The following AFF3 variants were observed in gnomAD, a reference collection of about 807,000 sequenced individuals.
The protein encoded by AFF3 is ALF transcription elongation factor 3.
AFF3 carries 32 observed loss-of-function variants against 129.7 expected under a neutral mutation model. The ratio of observed to expected loss-of-function variants is 0.25; its 90% confidence interval spans 0.19 to 0.33. The LOEUF is 0.33. Among genes scored for constraint, AFF3 ranks in the 10% least tolerant of loss-of-function variants. The probability of loss-of-function intolerance (pLI) is 1.00; values close to 1 mark genes in which losing one functional copy is unlikely to be tolerated. For missense variants in AFF3, 1,373 were observed against 1,592.0 expected, an observed-to-expected ratio of 0.86 and a Z score of 2.34; for synonymous variants, 644 against 635.4, an observed-to-expected ratio of 1.01 and a Z score of -0.20.
In AFF3 at chr2:99,815,830, C is replaced by G. The variant is rs545793201; in HGVS notation, c.921+21647G>C. Among the ~76,000 whole-genome samples the G allele has an allele frequency of 4.6e-3, 693 of 149,682 alleles. 9 individuals are homozygous for G. The highest frequency in any genetic ancestry group is 0.014 in the African/African-American group (578 of 40,874). On this transcript the variant is annotated intron_variant, in intron 8 of 24. Coordinates refer to ENST00000672756, the MANE Select transcript of AFF3 (RefSeq NM_001386135.1). ...GTTCCTTCTCTCTCTCTCTCTCTCT[C>G]TGTGTGTGTGTGTGTACATGGATAT...
chr2:99,940,758 T>A (rs1410667985), intron 7 of AFF3, among the ~76,000 whole-genome samples: 1 of 152,164 alleles, frequency 6.6e-6, no homozygotes, highest in Non-Finnish European at 1.5e-5. Flanking sequence ...TAAACTTGCT[T>A]TAGCCTTGCA....
rs1036133464 is a variant in AFF3 at position 99,558,914 on chromosome 2, G to T, written c.3246C>A (p.His1082Gln). Residue 1082 changes from histidine to glutamine, a missense_variant, in exon 22 of 25, where the codon CAC (histidine) becomes CAA (glutamine). Coordinates refer to ENST00000672756, the MANE Select transcript of AFF3 (RefSeq NM_001386135.1). The part of the protein sequence containing the change: ...YWRMFRLKRD[H>Q]AVKYSKALID... ...TTAGTGCTTTTGAATACTTTACAGCGTGGTCCCTTTTGAGTCGAAACATCC... is the reference window on the plus strand; with the variant it reads ...TTAGTGCTTTTGAATACTTTACAGCTTGGTCCCTTTTGAGTCGAAACATCC... 6.2e-6 allele frequency: 10 copies of T among 1,614,136 alleles called. No individual in the cohort carries two copies. Among genetic ancestry groups the T allele is most frequent in the Non-Finnish European group, 5.9e-6 (7 of 1,179,996 alleles).
intron 18 of AFF3, among the ~76,000 whole-genome samples, chr2:99,573,705 C>T (rs1321631532): frequency 6.6e-6 from 1 of 152,216 alleles, no homozygotes; most frequent in Non-Finnish European, 1.5e-5. Flanking sequence ...TGGCCTTCAG[C>T]GCCTGGCGTC....
chr2:99,813,660 G>A (rs1686972370), intron 8 of AFF3, among the ~76,000 whole-genome samples: 1 of 152,182 alleles, frequency 6.6e-6, no homozygotes, highest in African/African-American at 2.4e-5. Context: ...GGAGATTAAA[G>A]GAGAACAAAC....
intron 13 of AFF3, among the ~76,000 whole-genome samples, chr2:99,639,797 C>T (rs765478885): frequency 6.6e-5 from 10 of 151,546 alleles, no homozygotes; most frequent in Non-Finnish European, 1.0e-4. Context: ...AAGTGATTCT[C>T]CTGCCTCAGC....
intron 4 of AFF3, among the ~76,000 whole-genome samples, chr2:100,092,609 C>T (rs1284128330): frequency 2.6e-5 from 4 of 152,248 alleles, no homozygotes; most frequent in Non-Finnish European, 5.9e-5. Context: ...ACCTCCCATC[C>T]TGCCATTCCC....
At chr2:99,977,547 T>C (rs1423614975) in intron 7 of AFF3, among the ~76,000 whole-genome samples, 1 of 152,262 alleles carries the variant, frequency 6.6e-6, no homozygotes, top group African/African-American at 2.4e-5. Flanking sequence ...CACTCCTTTT[T>C]CCTTCTTGAG....
intron 4 of AFF3, among the ~76,000 whole-genome samples, chr2:100,087,351 C>T (rs1309460494): frequency 6.6e-6 from 1 of 152,006 alleles, no homozygotes; most frequent in African/African-American, 2.4e-5. Context: ...TTATTTCTTC[C>T]TTATAATCCT....
intron 5 of AFF3, 141 bp from the exon 6 acceptor site, chr2:100,007,601 C>A (rs753885891): frequency 3.4e-5 from 26 of 775,436 alleles, no homozygotes; most frequent in Non-Finnish European, 4.8e-5. Context: ...AAATCCTTAT[C>A]GTCTCTGAAG....
intron 8 of AFF3, among the ~76,000 whole-genome samples, chr2:99,794,084 T>C (rs1180249195): frequency 6.6e-6 from 1 of 152,240 alleles, no homozygotes; most frequent in African/African-American, 2.4e-5. Flanking sequence ...CTCTTTTATT[T>C]CTAAATTAAT....
rs113752892 is a variant in AFF3 at position 99,568,941 on chromosome 2, G to A, written c.2919-26C>T. 41 of 1,601,910 alleles carry A rather than the reference G, an allele frequency of 2.6e-5. No individual in the cohort carries two copies. In the African/African-American group the frequency reaches 4.2e-4, roughly 16 times the overall value. On this transcript the variant is annotated intron_variant, in intron 18 of 24. Transcript: ENST00000672756. ...CTACAAGGAGAGAATGATATTAAAC[G>A]TCATTATGGCTTAAGTGCAACGTCT...
At chr2:99,999,208 T>C (rs1175118238) in intron 7 of AFF3, among the ~76,000 whole-genome samples, 1 of 152,244 alleles carries the variant, frequency 6.6e-6, no homozygotes, top group East Asian at 1.9e-4. Flanking sequence ...ATTTATTTTA[T>C]ATGTGCTGTG....
At chr2:99,685,120 A>G (rs886134381) in intron 11 of AFF3, among the ~76,000 whole-genome samples, 1 of 151,934 alleles carries the variant, frequency 6.6e-6, no homozygotes, top group Non-Finnish European at 1.5e-5. Flanking sequence ...TGTAATTTTA[A>G]TAGAGACCGG....
chr2:99,650,685 G>T (rs186197433), intron 12 of AFF3, among the ~76,000 whole-genome samples: 93 of 152,074 alleles, frequency 6.1e-4, no homozygotes, highest in Non-Finnish European at 9.4e-4. Context: ...ATGAGCACAG[G>T]GCAGGTTCTT....
At chr2:99,733,714 A>T (rs1388887381) in intron 10 of AFF3, among the ~76,000 whole-genome samples, 3 of 152,036 alleles carry the variant, frequency 2.0e-5, no homozygotes, top group Non-Finnish European at 4.4e-5. Context: ...TTTCTCTATT[A>T]ATCTATATCA....
chr2:99,984,006 C>T (rs1395845598), intron 7 of AFF3, among the ~76,000 whole-genome samples: 3 of 151,608 alleles, frequency 2.0e-5, no homozygotes. Context: ...AATAAAAAAG[C>T]TCTTTTAAAA....
chr2:99,694,555 T>C (rs1045875921), intron 11 of AFF3, among the ~76,000 whole-genome samples: 7 of 152,156 alleles, frequency 4.6e-5, no homozygotes, highest in African/African-American at 1.7e-4. Context: ...TCTCCGTAAG[T>C]CCTTTCCCTG....
intron 9 of AFF3, among the ~76,000 whole-genome samples, chr2:99,748,578 TTC>T (rs1161592910): frequency 2.6e-4 from 40 of 152,298 alleles, no homozygotes; most frequent in African/African-American, 8.2e-4. Flanking sequence ...TCCTGCTGCT[TTC>T]TGTTTCCTGC....
chr2:100,035,071 T>C (rs932064514), intron 4 of AFF3, among the ~76,000 whole-genome samples: 1 of 152,100 alleles, frequency 6.6e-6, no homozygotes, highest in African/African-American at 2.4e-5. Context: ...TCATAAACAA[T>C]ACACCTGTCC....
Sources: allele counts gnomAD v4.1 joint callset (sites outside exome capture counted in the v4.1 genomes callset), GRCh38; gene constraint gnomAD v4.1.1; transcripts MANE v1.5; gene names NCBI Gene and HGNC (gene_info 2026-07-23, HGNC 2026-07-21).